Variants in TRPM1 observed in about 807,000 individuals in gnomAD.
The protein encoded by TRPM1 is TRPM1-203 APA Isoform, Intron 10.
Under a neutral mutation model 149.4 loss-of-function variants are expected in TRPM1, and 113 were observed. The observed-to-expected ratio is 0.76, with a 90% CI of 0.65 to 0.88. The LOEUF (loss-of-function observed/expected upper bound fraction) is 0.88. Ranked by LOEUF, TRPM1 falls within the 40% of genes least tolerant of loss-of-function variation. The pLI is 0.00. For missense variants in TRPM1, 1,976 were observed against 2,038.7 expected, an observed-to-expected ratio of 0.97 and a Z score of 0.59; for synonymous variants, 741 against 759.5, an observed-to-expected ratio of 0.98 and a Z score of 0.40.
At chr15:31,117,512 G>A (rs1043038773) in intron 1 of TRPM1, among the ~76,000 whole-genome samples, 1 of 151,896 alleles carries the variant, frequency 6.6e-6, no homozygotes, top group African/African-American at 2.4e-5. Flanking sequence ...GCTGAGCATG[G>A]AGGTGCAAGC....
chr15:31,062,786 T>A (rs994529545), intron 8 of TRPM1, 84 bp from the exon 9 acceptor site: 5 of 1,495,358 alleles, frequency 3.3e-6, no homozygotes, highest in Non-Finnish European at 4.6e-6. Context: ...GTCTTTGATT[T>A]GAGACTTTGC....
intron 24 of TRPM1, 49 bp downstream of exon 24, chr15:31,029,322 T>TA: frequency 6.3e-7 from 1 of 1,594,936 alleles, no homozygotes; most frequent in Non-Finnish European, 8.6e-7. Flanking sequence ...AAAAGGTAAT[T>TA]GAAAAACACA....
chr15:31,003,500 G>A (rs912216404), intron 27 of TRPM1, among the ~76,000 whole-genome samples: 3 of 152,178 alleles, frequency 2.0e-5, no homozygotes, highest in African/African-American at 7.2e-5. Context: ...AGCACACGCA[G>A]CCTAGCTCCA....
chr15:31,061,551 A>C, intron 9 of TRPM1, 37 bp from the exon 10 acceptor site: 14 of 1,594,490 alleles, frequency 8.8e-6, no homozygotes, highest in Non-Finnish European at 1.2e-5. Flanking sequence ...AGCCAAGTTG[A>C]AAACAAGAAG....
chr15:31,105,500 G>T (rs375476784), upstream of TRPM1, among the ~76,000 whole-genome samples: 1 of 151,912 alleles, frequency 6.6e-6, no homozygotes, highest in Admixed American at 6.6e-5. Context: ...CATCTGTAAA[G>T]AAAATGCATC....
At chr15:31,128,650 G>T (rs1384400362) in intron 1 of TRPM1, among the ~76,000 whole-genome samples, 4 of 152,146 alleles carry the variant, frequency 2.6e-5, no homozygotes. Context: ...TCACTGACGG[G>T]CATAGGCAGA....
chr15:31,028,165 TAA>T (rs2032873197), intron 25 of TRPM1, among the ~76,000 whole-genome samples, 165 bp downstream of exon 25: 1 of 152,224 alleles, frequency 6.6e-6, no homozygotes, highest in Non-Finnish European at 1.5e-5. Context: ...ATGAATACAT[TAA>T]GACTGATTAA....
At position 31,130,768 on chromosome 15, in the gene TRPM1, C is replaced by T. The variant is rs537740971; in HGVS notation, c.54+30138G>A. 1.1e-4 allele frequency among the ~76,000 whole-genome samples: 17 copies of T among 152,248 alleles called. No individual in the cohort carries two copies. In the East Asian group the frequency reaches 3.3e-3, roughly 29 times the overall value. ...CTTTGCCCCTCTATGATTTCATCTC[C>T]AGTCCAACCAATCAATGCTCCGCAC... On this transcript the variant is annotated intron_variant, in intron 1 of 26. Transcript: ENST00000542188.
intron 21 of TRPM1, 122 bp from the exon 22 acceptor site, chr15:31,033,062 C>T (rs559726918): frequency 1.3e-4 from 169 of 1,319,880 alleles, no homozygotes; most frequent in Non-Finnish European, 1.7e-4. Flanking sequence ...CTACTCAAAA[C>T]GTTTAAACAC....
At chr15:31,049,559 G>C in intron 12 of TRPM1, 50 bp from the exon 13 acceptor site, 4 of 1,609,710 alleles carry the variant, frequency 2.5e-6, no homozygotes, top group Non-Finnish European at 3.4e-6. Flanking sequence ...CAGAGACACA[G>C]GGGAGGGGGG....
At position 31,003,225 on chromosome 15, in the gene TRPM1, C is replaced by G. The variant is rs370514547; in HGVS notation, c.3630-155G>C. ...GCTTCACAATCCCCTAACATGACTA[C>G]TCGAATTACCATGAGGAGCCACCAG... On this transcript the variant is annotated intron_variant, in intron 27 of 27. Coordinates refer to ENST00000256552, the MANE Select transcript of TRPM1 (RefSeq NM_001252024.2). 5.3e-5 allele frequency among the ~76,000 whole-genome samples: 8 copies of G among 152,278 alleles called. No homozygotes were observed. In the East Asian group the frequency reaches 1.5e-3, roughly 29 times the overall value.
upstream of TRPM1, among the ~76,000 whole-genome samples, chr15:31,104,760 AT>A (rs946518803): frequency 4.0e-5 from 6 of 151,356 alleles, no homozygotes. Flanking sequence ...CGCCCGGCCA[AT>A]TTTTTTGTAT....
intron 1 of TRPM1, among the ~76,000 whole-genome samples, chr15:31,159,852 G>A: frequency 6.6e-6 from 1 of 152,082 alleles, no homozygotes; most frequent in Non-Finnish European, 1.5e-5. Context: ...TAACCTCTCT[G>A]AGTGTGGTCA....
At chr15:31,077,468 A>C (rs2034732657) in intron 2 of TRPM1, among the ~76,000 whole-genome samples, 2 of 152,310 alleles carry the variant, frequency 1.3e-5, no homozygotes, top group South Asian at 4.2e-4. Flanking sequence ...GACATCTCAC[A>C]CAGAGGCTGG....
chr15:31,041,094 G>A (rs575685003), intron 17 of TRPM1, among the ~76,000 whole-genome samples: 1 of 152,232 alleles, frequency 6.6e-6, no homozygotes, highest in African/African-American at 2.4e-5. Flanking sequence ...AAAGTTTACT[G>A]CCTTCCCCAC....
At chr15:31,025,413 T>A (rs2032690406) in intron 27 of TRPM1, among the ~76,000 whole-genome samples, 1 of 152,228 alleles carries the variant, frequency 6.6e-6, no homozygotes, top group African/African-American at 2.4e-5. Context: ...GGTAGAGCAA[T>A]ACTACGAAGT....
chr15:31,116,337 G>A (rs984491687), intron 1 of TRPM1, among the ~76,000 whole-genome samples: 6 of 152,132 alleles, frequency 3.9e-5, no homozygotes, highest in African/African-American at 1.2e-4. Flanking sequence ...GCCCGGCGCC[G>A]TGGCTCATGC....
chr15:31,105,475 G>A (rs1003422282), upstream of TRPM1, among the ~76,000 whole-genome samples: 33 of 123,238 alleles, frequency 2.7e-4, no homozygotes, highest in Middle Eastern at 3.4e-3. Flanking sequence ...GTGTGTGTGC[G>A]CGCGCGCGCG....
Position 31,041,937 on chromosome 15 carries a change from C to T in TRPM1, c.2087+14G>A, listed in dbSNP as rs371684594. ...TCATCTCTCCTGGCCTTTAAATCCC[C>T]GCTAGACACTAACTTGGAATTGTTA... On this transcript the variant is annotated intron_variant, in intron 17 of 27. Coordinates refer to ENST00000256552, the MANE Select transcript of TRPM1 (RefSeq NM_001252024.2). 14 of 1,613,938 alleles carry T rather than the reference C, an allele frequency of 8.7e-6. No individual in the cohort carries two copies. The African/African-American group carries it at 9.3e-5, about 11-fold the overall frequency.
Sources: gnomAD v4.1 joint callset for allele counts (sites outside exome capture counted in the v4.1 genomes callset) on GRCh38, gnomAD v4.1.1 for gene constraint, MANE v1.5 for transcripts, NCBI Gene and HGNC (gene_info 2026-07-23, HGNC 2026-07-21) for gene names.